SLC8A1: variants seen among roughly 807,000 people sequenced by gnomAD.
SLC8A1 encodes the protein solute carrier family 8 member A1, also known as sodium/calcium exchanger 1.
A neutral mutation model predicts 68.3 loss-of-function variants in SLC8A1; 18 were observed. That is an observed-to-expected ratio of 0.26 (90% CI 0.18 to 0.39). The LOEUF (loss-of-function observed/expected upper bound fraction) is 0.39. Ranked by LOEUF, SLC8A1 falls within the 10% of genes least tolerant of loss-of-function variation. The probability of loss-of-function intolerance (pLI) is 1.00; values close to 1 mark genes in which losing one functional copy is unlikely to be tolerated. For missense variants in SLC8A1, 985 were observed against 1,156.7 expected (o/e 0.85, Z 2.15); for synonymous variants, 475 against 415.5 (o/e 1.14, Z -1.74).
rs34863585 is a variant in SLC8A1, at chr2:40,309,502, C to CTTT, written c.1808+118968_1808+118970dup. On this transcript the variant is annotated intron_variant, in intron 2 of 7. Coordinates refer to ENST00000406785, the Ensembl canonical transcript of SLC8A1. ...AATGAATGATCTCCTGAATATTTTACTTTTTTTTTTTTTTTTTTTTGTGAG... is the reference window on the plus strand; with the variant it reads ...AATGAATGATCTCCTGAATATTTTACTTTTTTTTTTTTTTTTTTTTTTTGTGAG... Among the ~76,000 whole-genome samples, 541 of 123,254 alleles carry CTTT rather than the reference C, an allele frequency of 4.4e-3. 12 individuals carry two copies. Among genetic ancestry groups the CTTT allele is most frequent in the South Asian group, 0.015 (55 of 3,732 alleles). 80.9% of individuals were successfully genotyped at this position (123,254 alleles called of 152,430 possible).
chr2:40,436,886 G>C (rs1699525350), intron 1 of SLC8A1, among the ~76,000 whole-genome samples: 1 of 152,130 alleles, frequency 6.6e-6, no homozygotes, highest in South Asian at 2.1e-4. Context: ...AGCCAGGTTT[G>C]TCCTCTAATT....
In SLC8A1 at chr2:40,493,221, CATT is replaced by C. The variant is rs538657913; in HGVS notation, c.-25+19125_-25+19127del. On this transcript the variant is annotated intron_variant, in intron 1 of 7. Transcript: ENST00000402441. The stretch of plus-strand genomic sequence containing the variant: ...GGACATGGATGGAATTGGAAATCAT[CATT>C]CTCAGTAAACTATTGGAAGAACAAA... 6.7e-3 allele frequency among the ~76,000 whole-genome samples: 1,023 copies of C among 152,056 alleles called. 5 individuals carry two copies. Among genetic ancestry groups the C allele is most frequent in the Non-Finnish European group, 0.011 (734 of 68,008 alleles).
intron 2 of SLC8A1, among the ~76,000 whole-genome samples, chr2:40,392,210 AG>A (rs1446674524): frequency 2.6e-5 from 4 of 151,810 alleles, no homozygotes; most frequent in Admixed American, 6.6e-5. Flanking sequence ...GAAAAGAAAA[AG>A]AAAAAGAAAA....
At chr2:40,452,475 G>A (rs1001923683), upstream of SLC8A1, among the ~76,000 whole-genome samples, 1 of 152,116 alleles carries the variant, frequency 6.6e-6, no homozygotes, top group African/African-American at 2.4e-5. Context: ...TCGATGACAC[G>A]CGCACACAGG....
At chr2:40,268,117 G>C (rs933893295) in intron 2 of SLC8A1, among the ~76,000 whole-genome samples, 3 of 152,170 alleles carry the variant, frequency 2.0e-5, no homozygotes, top group Admixed American at 1.3e-4. Flanking sequence ...AAAGTTAGGA[G>C]ATATAAAGTG....
chr2:40,305,006 A>T (rs1230779241), intron 2 of SLC8A1, among the ~76,000 whole-genome samples: 1 of 152,176 alleles, frequency 6.6e-6, no homozygotes, highest in Non-Finnish European at 1.5e-5. Context: ...ATTTTGTTAA[A>T]ATGAGGATTC....
chr2:40,287,911 G>C (rs2068610698), intron 2 of SLC8A1, among the ~76,000 whole-genome samples: 1 of 152,056 alleles, frequency 6.6e-6, no homozygotes, highest in African/African-American at 2.4e-5. Flanking sequence ...TCTGGAAAGA[G>C]GAAGAACACG....
intron 2 of SLC8A1, among the ~76,000 whole-genome samples, chr2:40,309,431 T>C (rs1193615088): frequency 6.6e-6 from 1 of 152,020 alleles, no homozygotes; most frequent in African/African-American, 2.4e-5. Flanking sequence ...TCCCTAAAAT[T>C]GGTTACTGAA....
chr2:40,199,283 A>G (rs908723262), intron 2 of SLC8A1, among the ~76,000 whole-genome samples: 3 of 151,806 alleles, frequency 2.0e-5, no homozygotes, highest in Non-Finnish European at 4.4e-5. Flanking sequence ...TCACCTTGTG[A>G]GCCTTGAATG....
chr2:40,433,704 TC>T (rs1398041478), intron 1 of SLC8A1, among the ~76,000 whole-genome samples: 2 of 152,106 alleles, frequency 1.3e-5, no homozygotes, highest in African/African-American at 4.8e-5. Context: ...GACAGTAAAC[TC>T]CTCAACTAAG....
intron 2 of SLC8A1, among the ~76,000 whole-genome samples, chr2:40,317,565 T>G (rs1211820203): frequency 6.6e-6 from 1 of 152,094 alleles, no homozygotes; most frequent in Admixed American, 6.6e-5. Flanking sequence ...CATGACTGTA[T>G]GTCAACAACT....
intron 2 of SLC8A1, among the ~76,000 whole-genome samples, chr2:40,183,060 T>C (rs1247400596): frequency 6.6e-6 from 1 of 152,262 alleles, no homozygotes; most frequent in Admixed American, 6.5e-5. Flanking sequence ...AGTGGAATGA[T>C]AGGCTCTTTG....
At chr2:40,193,822 T>C (rs1230730582) in intron 2 of SLC8A1, among the ~76,000 whole-genome samples, 2 of 152,140 alleles carry the variant, frequency 1.3e-5, no homozygotes, top group Non-Finnish European at 2.9e-5. Context: ...CTAAAGTCCC[T>C]GCCTGAATAA....
chr2:40,131,183 C>T (rs1244248249), intron 7 of SLC8A1, among the ~76,000 whole-genome samples: 1 of 152,128 alleles, frequency 6.6e-6, no homozygotes, highest in Non-Finnish European at 1.5e-5. Context: ...AAGCAATTTG[C>T]CTCTGGGGAT....
chr2:40,414,150 T>C (rs1693078957), intron 2 of SLC8A1, among the ~76,000 whole-genome samples: 1 of 152,168 alleles, frequency 6.6e-6, no homozygotes, highest in Non-Finnish European at 1.5e-5. Flanking sequence ...GAAACATGAA[T>C]CAAAGTCATT....
intron 2 of SLC8A1, among the ~76,000 whole-genome samples, chr2:40,250,048 T>C (rs1470912377): frequency 1.3e-5 from 2 of 152,220 alleles, no homozygotes; most frequent in Non-Finnish European, 2.9e-5. Flanking sequence ...AACCAAGCCA[T>C]TGTTCTGTAA....
intron 2 of SLC8A1, among the ~76,000 whole-genome samples, chr2:40,376,361 T>C (rs913146680): frequency 1.7e-4 from 26 of 152,080 alleles, no homozygotes; most frequent in Non-Finnish European, 3.2e-4. Flanking sequence ...GTAGCTATGG[T>C]TTGTTCGCCT....
chr2:40,505,226 C>T (rs1706296580), intron 1 of SLC8A1, among the ~76,000 whole-genome samples: 1 of 151,680 alleles, frequency 6.6e-6, no homozygotes, highest in South Asian at 2.1e-4. Flanking sequence ...GTGGGGAAGG[C>T]TAATGGGTAC....
chr2:40,233,228 G>A (rs2059917033), intron 2 of SLC8A1, among the ~76,000 whole-genome samples: 1 of 152,146 alleles, frequency 6.6e-6, no homozygotes, highest in Non-Finnish European at 1.5e-5. Flanking sequence ...GTGTAAAAGT[G>A]TTCCTATTTC....
Sources: gnomAD v4.1 joint callset for allele counts (sites outside exome capture counted in the v4.1 genomes callset) on GRCh38, gnomAD v4.1.1 for gene constraint, MANE v1.5 for transcripts, NCBI Gene and HGNC (gene_info 2026-07-23, HGNC 2026-07-21) for gene names.